Variants in ABCA1 observed in about 807,000 individuals in gnomAD.
ABCA1 encodes phospholipid-transporting ATPase ABCA1.
A neutral mutation model predicts 262.5 loss-of-function variants in ABCA1; 133 were observed. The ratio of observed to expected loss-of-function variants is 0.51; its 90% CI spans 0.44 to 0.59. The LOEUF (loss-of-function observed/expected upper bound fraction) is 0.59. Among genes scored for constraint, ABCA1 ranks in the 20% least tolerant of loss-of-function variants. The pLI is 0.00. For synonymous variants in ABCA1, 1,022 were observed against 1,043.5 expected (o/e 0.98, Z 0.40); for missense variants, 2,452 against 2,777.5 (o/e 0.88, Z 2.63).
chr9:104,787,986 A>T lies in ABCA1; in HGVS notation c.6138T>A (p.Ser2046Arg). 1 of 1,614,196 alleles carries T rather than the reference A, an allele frequency of 6.2e-7. No homozygotes were observed. The highest frequency in any genetic ancestry group is 8.5e-7 in the Non-Finnish European group (1 of 1,180,038). Reference protein sequence around the residue: ...KYGEKYAGNYSGGNKRKLSTA... With the variant: ...KYGEKYAGNYRGGNKRKLSTA... Reference sequence around the variant, plus strand: ...TAGAGAGCTTGCGTTTGTTGCCTCCACTATAGTTACCAGCATATTTTTCTC... The same window carrying T: ...TAGAGAGCTTGCGTTTGTTGCCTCCTCTATAGTTACCAGCATATTTTTCTC... The change falls in exon 46 of 50, where the codon AGT (serine) becomes AGA (arginine). Residue 2046 changes from serine to arginine, a missense_variant. This residue lies in a region of ABCA1 where 752 missense variants were observed against 944.5 expected (regional missense o/e 0.80). Coordinates refer to ENST00000374736, the MANE Select transcript of ABCA1 (RefSeq NM_005502.4).
At chr9:104,871,066 C>T (rs1024359875) in intron 5 of ABCA1, among the ~76,000 whole-genome samples, 1 of 152,180 alleles carries the variant, frequency 6.6e-6, no homozygotes, top group East Asian at 1.9e-4. Flanking sequence ...ACAGGGGATG[C>T]GATGGCTTGG....
intron 17 of ABCA1, 56 bp from the exon 18 acceptor site, chr9:104,824,634 G>A (rs1023093142): frequency 6.3e-7 from 1 of 1,594,348 alleles, no homozygotes; most frequent in Non-Finnish European, 8.6e-7. Context: ...TATTCTGAGG[G>A]TTTCCCAGCC....
chr9:104,837,607 C>A, intron 9 of ABCA1, 40 bp from the exon 10 acceptor site: 1 of 1,610,556 alleles, frequency 6.2e-7, no homozygotes, highest in South Asian at 1.1e-5. Context: ...TATGCATGGT[C>A]ATATACTGAT....
intron 30 of ABCA1, 95 bp from the exon 31 acceptor site, chr9:104,806,525 C>T: frequency 8.2e-7 from 1 of 1,223,844 alleles, no homozygotes; most frequent in South Asian, 1.3e-5. Flanking sequence ...CAACCACAAA[C>T]ATGCATCTAT....
intron 1 of ABCA1, among the ~76,000 whole-genome samples, chr9:104,907,303 C>T (rs549738911): frequency 3.9e-4 from 60 of 152,318 alleles, no homozygotes; most frequent in African/African-American, 1.4e-3. Flanking sequence ...ATGTCCTTTC[C>T]TGATATCCTC....
intron 5 of ABCA1, among the ~76,000 whole-genome samples, chr9:104,882,644 C>T (rs1838791302): frequency 6.6e-6 from 1 of 152,224 alleles, no homozygotes; most frequent in Non-Finnish European, 1.5e-5. Context: ...TTCACTTATC[C>T]ATATCAACTT....
At chr9:104,913,956 CGCCCG>C (rs77901265) in intron 1 of ABCA1, among the ~76,000 whole-genome samples, 45,094 of 151,302 alleles carry the variant, frequency 0.3, 6,786 homozygotes, top group Middle Eastern at 0.37. Flanking sequence ...CCTGCCAACA[CGCCCG>C]GCTAATTTTT....
chr9:104,858,907 C>G (rs72732685), intron 6 of ABCA1, among the ~76,000 whole-genome samples: 1 of 152,182 alleles, frequency 6.6e-6, no homozygotes, highest in South Asian at 2.1e-4. Context: ...CACTTAAAAC[C>G]TGCAAGTTGC....
At chr9:104,861,613 C>A (rs1203403806) in intron 6 of ABCA1, 66 bp downstream of exon 6, 1 of 1,605,802 alleles carries the variant, frequency 6.2e-7, no homozygotes, top group Admixed American at 1.7e-5. Flanking sequence ...TTATTCATTT[C>A]TTTCCAGTAG....
intron 48 of ABCA1, 30 bp downstream of exon 48, chr9:104,786,268 G>A (rs1245376595): frequency 6.5e-7 from 1 of 1,532,132 alleles, no homozygotes; most frequent in African/African-American, 1.4e-5. Flanking sequence ...TTCTCACTAG[G>A]CACTATCCCA....
chr9:104,867,340 G>C (rs1837186364), intron 5 of ABCA1, among the ~76,000 whole-genome samples: 1 of 152,184 alleles, frequency 6.6e-6, no homozygotes, highest in Admixed American at 6.5e-5. Flanking sequence ...TGCAGACCTA[G>C]TATAATGCCG....
intron 43 of ABCA1, among the ~76,000 whole-genome samples, chr9:104,791,494 C>T (rs906361789): frequency 5.1e-5 from 7 of 138,368 alleles, no homozygotes; most frequent in African/African-American, 1.3e-4. Context: ...AGTGCAGCAG[C>T]GCAATCTGGG....
In ABCA1 at chr9:104,927,963, T is replaced by G. The variant is rs1474362931; in HGVS notation, c.-121A>C. The G allele has an allele frequency of 6.6e-6, 1 of 152,256 alleles. No individual in the cohort carries two copies. The highest frequency in any genetic ancestry group is 1.5e-5 in the Non-Finnish European group (1 of 68,064). 9.4% of individuals were successfully genotyped at this position (152,256 alleles called of 1,614,324 possible). A position where few individuals can be genotyped will look rare whatever the true frequency, so the allele number is the denominator to read the frequency against. On this transcript the variant is annotated 5_prime_UTR_variant, in exon 1 of 50. Coordinates refer to ENST00000374736, the MANE Select transcript of ABCA1 (RefSeq NM_005502.4). ...TTTTCCACTTTTGTGTTTGCGTCTC[T>G]TTCTCCTACCCCTTGACAAGCCTTC...
At chr9:104,822,861 T>G (rs1443757601) in intron 18 of ABCA1, among the ~76,000 whole-genome samples, 194 bp from the exon 19 acceptor site, 1 of 152,094 alleles carries the variant, frequency 6.6e-6, no homozygotes, top group Admixed American at 6.6e-5. Flanking sequence ...GGGAATACGA[T>G]GATAAAGGAG....
chr9:104,899,822 T>C (rs1037674571), intron 2 of ABCA1, among the ~76,000 whole-genome samples: 3 of 152,220 alleles, frequency 2.0e-5, no homozygotes. Context: ...GTTTGTTCCA[T>C]GGGGACCTTG....
chr9:104,791,059 A>G (rs1248700423), intron 43 of ABCA1, 31 bp from the exon 44 acceptor site: 3 of 1,507,598 alleles, frequency 2.0e-6, no homozygotes, highest in Non-Finnish European at 2.8e-6. Flanking sequence ...TGTATAAGCA[A>G]ACTCTAAAAA....
At chr9:104,813,612 C>G (rs1831472638) in intron 27 of ABCA1, among the ~76,000 whole-genome samples, 1 of 152,092 alleles carries the variant, frequency 6.6e-6, no homozygotes, top group African/African-American at 2.4e-5. Context: ...GGGGTTTCAC[C>G]TTGTTGGTCA....
At chr9:104,831,149 T>TAATA in intron 13 of ABCA1, 48 bp from the exon 14 acceptor site, 1 of 924,050 alleles carries the variant, frequency 1.1e-6, no homozygotes, top group East Asian at 3.9e-5. Context: ...AACCATACAA[T>TAATA]AAAAAAAAAA....
chr9:104,794,130 C>A (rs1390717723), intron 40 of ABCA1, among the ~76,000 whole-genome samples: 1 of 152,168 alleles, frequency 6.6e-6, no homozygotes, highest in African/African-American at 2.4e-5. Flanking sequence ...TGGATCCAAG[C>A]AAATGCCACT....
Sources: allele counts gnomAD v4.1 joint callset (sites outside exome capture counted in the v4.1 genomes callset), GRCh38; gene constraint gnomAD v4.1.1; regional missense constraint gnomAD v4.1.1; transcripts MANE v1.5; gene names NCBI Gene and HGNC (gene_info 2026-07-23, HGNC 2026-07-21).